Variants in LRRC49 observed in about 807,000 individuals in gnomAD.
The protein encoded by LRRC49 is leucine-rich repeat-containing protein 49.
Under a neutral mutation model 83.3 loss-of-function variants are expected in LRRC49, and 50 were observed. The ratio of observed to expected loss-of-function variants is 0.60; its 90% CI spans 0.48 to 0.76. The LOEUF (loss-of-function observed/expected upper bound fraction) is 0.76. LRRC49 is among the 30% of genes least tolerant of loss of function. LRRC49 has a pLI of 0.00. For synonymous variants in LRRC49, 286 were observed against 283.3 expected (o/e 1.01, Z -0.10); for missense variants, 704 against 809.1 (o/e 0.87, Z 1.58).
chr15:71,015,184 T>C (rs1235637060), intron 14 of LRRC49, among the ~76,000 whole-genome samples: 3 of 152,142 alleles, frequency 2.0e-5, no homozygotes, highest in Non-Finnish European at 4.4e-5. Flanking sequence ...CTTTAAACTT[T>C]AAGAAGAGGA....
chr15:71,031,117 G>A lies in LRRC49; in HGVS notation c.1704-6062G>A, dbSNP rs146651172. On this transcript the variant is annotated intron_variant, in intron 14 of 15. Transcript: ENST00000260382. The stretch of plus-strand genomic sequence containing the variant: ...GGGAATTTTCAGCATTTTTGAGCTG[G>A]TTTTTCCTCATCTTTGTGGATTTAT... Among the ~76,000 whole-genome samples, 382 of 152,238 alleles carry A rather than the reference G, an allele frequency of 2.5e-3. 1 individual carries two copies. The highest frequency in any genetic ancestry group is 9.0e-3 in the African/African-American group (373 of 41,552).
chr15:70,893,913 G>A (rs1180405953), intron 2 of LRRC49, among the ~76,000 whole-genome samples: 1 of 151,030 alleles, frequency 6.6e-6, no homozygotes, highest in Admixed American at 6.6e-5. Flanking sequence ...TTGAGACAGG[G>A]TCTAGCTGTA....
intron 11 of LRRC49, among the ~76,000 whole-genome samples, chr15:70,998,589 T>G (rs1371276977): frequency 6.6e-6 from 1 of 152,156 alleles, no homozygotes; most frequent in Non-Finnish European, 1.5e-5. Context: ...GTAACTTCTC[T>G]CTCACTACTT....
At chr15:70,891,567 C>CTGTGTGTGTGTGTGTGTG (rs3220843), upstream of LRRC49, among the ~76,000 whole-genome samples, 55 of 137,138 alleles carry the variant, frequency 4.0e-4, no homozygotes, top group Admixed American at 1.5e-3. Flanking sequence ...GGACAAGACT[C>CTGTGTGTGTGTGTGTGTG]TGTGTGTGTG....
intron 3 of LRRC49, chr15:70,898,308 T>G (rs2033921287): frequency 1.5e-6 from 1 of 653,324 alleles, no homozygotes; most frequent in South Asian, 1.7e-5. Flanking sequence ...GATTTTCAAT[T>G]AAATCTTAGT....
intron 11 of LRRC49, among the ~76,000 whole-genome samples, chr15:71,002,945 T>TTG (rs1205835451): frequency 7.6e-6 from 1 of 131,170 alleles, no homozygotes; most frequent in East Asian, 2.2e-4. Flanking sequence ...TGGCCTTTTT[T>TTG]TTTTTTTTTT....
rs188040079 is a variant in LRRC49, at chr15:70,959,267, C to T, written c.774-4518C>T. On this transcript the variant is annotated intron_variant, in intron 8 of 15. Coordinates refer to ENST00000260382, the MANE Select transcript of LRRC49 (RefSeq NM_017691.5). ...CAGCACTCTGGGAGGCCGAGGCGGG[C>T]GGATCACCTGAGGTCAGGAGTTCAA... is the stretch of plus-strand genomic sequence containing the variant. 1.4e-3 allele frequency among the ~76,000 whole-genome samples: 216 copies of T among 152,020 alleles called. 1 individual carries two copies. The highest frequency in any genetic ancestry group is 4.8e-3 in the African/African-American group (201 of 41,458).
intron 8 of LRRC49, among the ~76,000 whole-genome samples, chr15:70,953,418 G>T (rs557635197): frequency 1.1e-4 from 16 of 152,242 alleles, no homozygotes; most frequent in East Asian, 3.9e-4. Context: ...GGAATTCTTG[G>T]TTGGAATTTC....
intron 1 of LRRC49, among the ~76,000 whole-genome samples, chr15:70,867,907 G>T (rs2032946522): frequency 6.6e-6 from 1 of 152,200 alleles, no homozygotes; most frequent in South Asian, 2.1e-4. Context: ...TCTAGAGGTT[G>T]TGGGGTGAGG....
At chr15:70,968,415 C>T (rs944937916) in intron 9 of LRRC49, among the ~76,000 whole-genome samples, 3 of 152,180 alleles carry the variant, frequency 2.0e-5, no homozygotes, top group Admixed American at 6.5e-5. Context: ...CAAGTCTTTG[C>T]TATTGTGAAT....
intron 8 of LRRC49, among the ~76,000 whole-genome samples, chr15:70,948,887 A>G (rs894953401): frequency 6.6e-6 from 1 of 152,172 alleles, no homozygotes; most frequent in Admixed American, 6.5e-5. Flanking sequence ...TAGATAACTT[A>G]AATTGGTATC....
At chr15:70,990,283 C>T (rs1253154618) in intron 11 of LRRC49, among the ~76,000 whole-genome samples, 1 of 152,186 alleles carries the variant, frequency 6.6e-6, no homozygotes, top group Non-Finnish European at 1.5e-5. Flanking sequence ...GTGGTGGGCT[C>T]CACTCAGTTG....
chr15:70,920,451 C>T (rs550564074), intron 7 of LRRC49, among the ~76,000 whole-genome samples: 28 of 152,274 alleles, frequency 1.8e-4, no homozygotes, highest in African/African-American at 6.3e-4. Flanking sequence ...ATTTAGAAGA[C>T]ATTCAGATTG....
chr15:70,933,720 G>A (rs2035496971), intron 7 of LRRC49, among the ~76,000 whole-genome samples: 1 of 152,202 alleles, frequency 6.6e-6, no homozygotes, highest in Non-Finnish European at 1.5e-5. Context: ...GATTTAGTTT[G>A]AAATTTCTTG....
intron 14 of LRRC49, among the ~76,000 whole-genome samples, chr15:71,031,496 G>A (rs796950816): frequency 7.9e-5 from 12 of 152,344 alleles, no homozygotes; most frequent in African/African-American, 2.9e-4. Context: ...TGAGGAGGCA[G>A]TCTGTCCCTT....
At chr15:71,001,577 G>C (rs1313113100) in intron 11 of LRRC49, among the ~76,000 whole-genome samples, 1 of 152,020 alleles carries the variant, frequency 6.6e-6, no homozygotes, top group Admixed American at 6.6e-5. Flanking sequence ...GCTGCCAATA[G>C]TCTTCCCCTA....
chr15:70,871,880 T>C (rs1162849601), intron 1 of LRRC49, among the ~76,000 whole-genome samples: 2 of 139,548 alleles, frequency 1.4e-5, no homozygotes, highest in Admixed American at 7.1e-5. Flanking sequence ...GACGGGATGG[T>C]GGCCGGGAAG....
chr15:71,025,675 G>A (rs969497733), intron 14 of LRRC49, among the ~76,000 whole-genome samples: 2 of 147,758 alleles, frequency 1.4e-5, no homozygotes, highest in Non-Finnish European at 3.0e-5. Flanking sequence ...TAAAACAAAG[G>A]GATGGAGGAA....
chr15:70,923,060 C>T (rs1363006629), intron 7 of LRRC49, among the ~76,000 whole-genome samples: 1 of 151,962 alleles, frequency 6.6e-6, no homozygotes, highest in Non-Finnish European at 1.5e-5. Context: ...CAGCTTCTTC[C>T]CATAAGTCTT....
Sources: allele counts gnomAD v4.1 joint callset (sites outside exome capture counted in the v4.1 genomes callset), GRCh38; gene constraint gnomAD v4.1.1; transcripts MANE v1.5; gene names NCBI Gene and HGNC (gene_info 2026-07-23, HGNC 2026-07-21).